CSMD1: variants seen among roughly 807,000 people sequenced by gnomAD.
CSMD1 encodes the protein CUB and sushi domain-containing protein 1.
In CSMD1, 213 loss-of-function variants were observed where a neutral mutation model predicts 417.5. The observed-to-expected ratio is 0.51, with a 90% CI of 0.46 to 0.57. The LOEUF (loss-of-function observed/expected upper bound fraction) is 0.57, where lower values mean the gene tolerates loss of function less well. Among genes scored for constraint, CSMD1 ranks in the 20% least tolerant of loss-of-function variants. The pLI is 0.00. For synonymous variants in CSMD1, 2,862 were observed against 1,736.8 expected (o/e 1.65, Z -16.11); for missense variants, 6,923 against 4,529.7 (o/e 1.53, Z -15.17).
intron 1 of CSMD1, among the ~76,000 whole-genome samples, chr8:4,965,685 G>C (rs1452767378): frequency 6.6e-6 from 1 of 152,154 alleles, no homozygotes; most frequent in Non-Finnish European, 1.5e-5. Flanking sequence ...CATAAGGTTG[G>C]CTGGATGTTC....
chr8:4,985,222 T>A (rs1237926560), intron 1 of CSMD1, among the ~76,000 whole-genome samples: 1 of 151,776 alleles, frequency 6.6e-6, no homozygotes, highest in Non-Finnish European at 1.5e-5. Flanking sequence ...GGGTGGTGGG[T>A]GGGAGGAGGG....
chr8:4,293,107 G>A (rs1030924815), intron 3 of CSMD1, among the ~76,000 whole-genome samples: 2 of 152,120 alleles, frequency 1.3e-5, no homozygotes, highest in African/African-American at 2.4e-5. Context: ...ACAGCAGGAG[G>A]GGGCTACCAG....
At chr8:4,427,800 C>A (rs17070269) in intron 2 of CSMD1, among the ~76,000 whole-genome samples, 2 of 151,954 alleles carry the variant, frequency 1.3e-5, no homozygotes, top group Non-Finnish European at 1.5e-5. Flanking sequence ...AATGTATAAC[C>A]CATACAAATA....
chr8:4,217,339 C>G (rs1201068347), intron 3 of CSMD1, among the ~76,000 whole-genome samples: 1 of 152,156 alleles, frequency 6.6e-6, no homozygotes, highest in Non-Finnish European at 1.5e-5. Context: ...CTGCCTTGGA[C>G]TCTAACAATC....
chr8:2,974,541 A>C lies in CSMD1; in HGVS notation c.8650T>G (p.Ser2884Ala). ...LFTYGAVVHYSCRGSESLIGN... is the reference protein window; with the variant it reads ...LFTYGAVVHYACRGSESLIGN... ...ATGAGGCTCTCGCTCCCTCTGCAGGAGTAGTGCACGACGGCGCCATAGGTA... is the reference window on the plus strand; with the variant it reads ...ATGAGGCTCTCGCTCCCTCTGCAGGCGTAGTGCACGACGGCGCCATAGGTA... The change falls in exon 56 of 70, where the codon TCC (serine) becomes GCC (alanine). Residue 2884 changes from serine (S) to alanine (A), a missense_variant. Ser to Ala is a moderately conservative substitution (Grantham distance 99, BLOSUM62 1). Transcript: ENST00000635120. 1 of 1,613,566 alleles carries C rather than the reference A, an allele frequency of 6.2e-7. No homozygotes were observed. Among genetic ancestry groups the C allele is most frequent in the Admixed American group, 1.7e-5 (1 of 59,976 alleles).
intron 45 of CSMD1, 124 bp downstream of exon 45, chr8:3,107,594 T>TTGTCTC: frequency 3.0e-6 from 1 of 337,050 alleles, no homozygotes; most frequent in Non-Finnish European, 4.8e-6. Flanking sequence ...AGTTTGTTCT[T>TTGTCTC]TGTTTCTGTT....
intron 7 of CSMD1, among the ~76,000 whole-genome samples, chr8:3,644,326 T>C (rs1797465147): frequency 1.3e-5 from 2 of 152,186 alleles, no homozygotes; most frequent in South Asian, 4.1e-4. Context: ...GCATAGGTCT[T>C]AGAGGCAAAT....
At chr8:4,042,764 G>C (rs927046946) in intron 3 of CSMD1, among the ~76,000 whole-genome samples, 5 of 138,234 alleles carry the variant, frequency 3.6e-5, no homozygotes, top group African/African-American at 5.4e-5. Flanking sequence ...GAAGAAAGGA[G>C]AGCACATTGC....
At chr8:4,281,632 T>C (rs1210413462) in intron 3 of CSMD1, among the ~76,000 whole-genome samples, 1 of 152,216 alleles carries the variant, frequency 6.6e-6, no homozygotes, top group Non-Finnish European at 1.5e-5. Flanking sequence ...TTAACTTTTA[T>C]GTTGGGCTTT....
intron 3 of CSMD1, among the ~76,000 whole-genome samples, chr8:4,158,649 T>A (rs1796974975): frequency 6.6e-6 from 1 of 152,130 alleles, no homozygotes; most frequent in African/African-American, 2.4e-5. Context: ...CTGGTGGTAG[T>A]GGAAGATCAA....
intron 1 of CSMD1, among the ~76,000 whole-genome samples, chr8:4,769,267 T>C (rs559257533): frequency 2.0e-5 from 3 of 152,292 alleles, no homozygotes; most frequent in Admixed American, 1.3e-4. Context: ...CCAGAACAAA[T>C]TGAGTGCCTG....
At chr8:4,332,106 C>T (rs562930112) in intron 3 of CSMD1, among the ~76,000 whole-genome samples, 3 of 152,052 alleles carry the variant, frequency 2.0e-5, no homozygotes, top group Admixed American at 6.6e-5. Context: ...GCCAAGAAAC[C>T]ACGCATAATT....
At chr8:4,558,859 C>A (rs900118227) in intron 2 of CSMD1, among the ~76,000 whole-genome samples, 1 of 152,170 alleles carries the variant, frequency 6.6e-6, no homozygotes, top group African/African-American at 2.4e-5. Context: ...CAAAGTGAGA[C>A]TCCGTCTCAA....
At chr8:4,037,621 T>C (rs549395026) in intron 3 of CSMD1, among the ~76,000 whole-genome samples, 1 of 152,048 alleles carries the variant, frequency 6.6e-6, no homozygotes, top group South Asian at 2.1e-4. Context: ...TTAGGTCTCT[T>C]ATATTTATCA....
At chr8:3,794,694 G>T (rs1799943023) in intron 5 of CSMD1, among the ~76,000 whole-genome samples, 1 of 151,948 alleles carries the variant, frequency 6.6e-6, no homozygotes, top group Non-Finnish European at 1.5e-5. Context: ...AAATCTCACT[G>T]CTTGACTGTA....
intron 7 of CSMD1, among the ~76,000 whole-genome samples, chr8:3,628,813 C>G (rs1204889949): frequency 2.0e-5 from 3 of 152,112 alleles, no homozygotes; most frequent in Admixed American, 6.5e-5. Flanking sequence ...GTGTCCGAGC[C>G]AAGAACTCTC....
intron 25 of CSMD1, among the ~76,000 whole-genome samples, chr8:3,306,380 G>C (rs1804848157): frequency 6.6e-6 from 1 of 152,096 alleles, no homozygotes; most frequent in Non-Finnish European, 1.5e-5. Flanking sequence ...TGCCATGCTG[G>C]CCAGGCTGAT....
At chr8:3,671,439 A>G (rs1799028963) in intron 7 of CSMD1, among the ~76,000 whole-genome samples, 1 of 145,544 alleles carries the variant, frequency 6.9e-6, no homozygotes, top group South Asian at 2.1e-4. Flanking sequence ...ATATAGTCAC[A>G]TATAATCATA....
intron 6 of CSMD1, among the ~76,000 whole-genome samples, chr8:3,713,829 T>C (rs146404352): frequency 1.2e-4 from 19 of 152,268 alleles, no homozygotes; most frequent in African/African-American, 4.6e-4. Flanking sequence ...AATTCAGAGT[T>C]TGGGAGAAAT....
Sources: allele counts gnomAD v4.1 joint callset (sites outside exome capture counted in the v4.1 genomes callset), GRCh38; gene constraint gnomAD v4.1.1; transcripts MANE v1.5; gene names NCBI Gene and HGNC (gene_info 2026-07-23, HGNC 2026-07-21).